Variants in LARP4 observed in about 807,000 individuals in gnomAD.
LARP4 encodes La ribonucleoprotein 4, also known as la-related protein 4.
In LARP4, 29 loss-of-function variants were observed where a neutral mutation model predicts 92.9. The ratio of observed to expected loss-of-function variants is 0.31; its 90% CI spans 0.23 to 0.43. The LOEUF is 0.43. Ranked by LOEUF, LARP4 falls within the 20% of genes least tolerant of loss-of-function variation. The pLI is 1.00. For missense variants in LARP4, 732 were observed against 860.0 expected (o/e 0.85, Z 1.86); for synonymous variants, 279 against 284.1 (o/e 0.98, Z 0.18).
intron 1 of LARP4, among the ~76,000 whole-genome samples, chr12:50,401,954 T>C (rs979637204): frequency 6.6e-6 from 1 of 152,198 alleles, no homozygotes; most frequent in African/African-American, 2.4e-5. Flanking sequence ...ATGCTTTGAG[T>C]AGATTCCAGA....
Position 50,474,118 on chromosome 12 carries a change from C to T in LARP4, c.1787C>T (p.Ala596Val). 6.2e-7 allele frequency: 1 copy of T among 1,613,438 alleles called. No individual in the cohort carries two copies. Among genetic ancestry groups the T allele is most frequent in the African/African-American group, 1.3e-5 (1 of 74,972 alleles). Residue 596 changes from alanine to valine, a missense_variant, in exon 15 of 16, where the codon GCT (alanine) becomes GTT (valine). Ala to Val is a moderately conservative substitution (Grantham distance 64). Transcript: ENST00000398473. The part of the protein sequence containing the change: ...STTKPSRAST[A>V]SPCNNNINAA... The stretch of plus-strand genomic sequence containing the variant: ...ACAAAGCCATCGAGGGCAAGTACTG[C>T]TTCACCATGTAATAATAACATAAAT...
chr12:50,440,237 GACCAGACTCAAATATATCT>G (rs1235241015), intron 6 of LARP4, among the ~76,000 whole-genome samples, 183 bp from the exon 7 acceptor site: 5 of 152,158 alleles, frequency 3.3e-5, no homozygotes, highest in African/African-American at 1.2e-4. Flanking sequence ...GGGAGTTTGA[GACCAGACTCAAATATATCT>G]CCTATTAACT....
rs537006097 is a variant in LARP4, at chr12:50,458,424, C to A, written c.1122-2711C>A. 1.1e-4 allele frequency among the ~76,000 whole-genome samples: 17 copies of A among 152,112 alleles called. No individual in the cohort carries two copies. In the East Asian group the frequency reaches 2.9e-3, roughly 26 times the overall value. On this transcript the variant is annotated intron_variant, in intron 10 of 15. Coordinates refer to ENST00000398473, the MANE Select transcript of LARP4 (RefSeq NM_052879.5). ...GGATTACAGGTGTGAGCCACCACAC[C>A]CAGCTACTTTAAGTTTTAATAATGG...
At chr12:50,411,804 C>T in intron 1 of LARP4, among the ~76,000 whole-genome samples, 1 of 152,070 alleles carries the variant, frequency 6.6e-6, no homozygotes, top group Non-Finnish European at 1.5e-5. Context: ...CCTCAGCGTC[C>T]CGAGTAGCTG....
chr12:50,426,684 G>GGTGTGTGTGTGT lies in LARP4; in HGVS notation c.19-1042_19-1031dup, dbSNP rs762987529. 8.6e-3 allele frequency among the ~76,000 whole-genome samples: 743 copies of GGTGTGTGTGTGT among 86,142 alleles called. 13 individuals are homozygous for GGTGTGTGTGTGT. Among genetic ancestry groups the GGTGTGTGTGTGT allele is most frequent in the South Asian group, 0.016 (28 of 1,740 alleles). The allele number at this position is 86,142 out of a possible 152,430, so 56.5% of individuals were successfully genotyped here. A position where few individuals can be genotyped will look rare whatever the true frequency, so the allele number is the denominator to read the frequency against. ...GCATGGAACAGGGCATTATGTTTGG[G>GGTGTGTGTGTGT]GTGTGTGTGTGTGTGTGTGTGTGTG... On this transcript the variant is annotated intron_variant, in intron 1 of 15. Coordinates refer to ENST00000398473, the MANE Select transcript of LARP4 (RefSeq NM_052879.5).
rs188091185 is a variant in LARP4, at chr12:50,463,158, G to A, written c.1383+528G>A. On this transcript the variant is annotated intron_variant, in intron 12 of 15. Coordinates refer to ENST00000398473, the MANE Select transcript of LARP4 (RefSeq NM_052879.5). Reference sequence around the variant, plus strand: ...TCCTCCTCTCGAGTCGGGGTCTTGCGGGCCAGGCACCGTGGCTCGTGCCTG... The same window carrying A: ...TCCTCCTCTCGAGTCGGGGTCTTGCAGGCCAGGCACCGTGGCTCGTGCCTG... Among the ~76,000 whole-genome samples the A allele has an allele frequency of 5.3e-5, 8 of 151,644 alleles. No homozygotes were observed. In the East Asian group the frequency reaches 9.8e-4, roughly 19 times the overall value.
In LARP4 at chr12:50,475,764, T is replaced by C; in HGVS notation, c.2075T>C (p.Ile692Thr). The change falls in exon 16 of 16, where the codon ATC (isoleucine) becomes ACC (threonine). Residue 692 changes from isoleucine to threonine, a missense_variant. Transcript: ENST00000398473. ...NIIPRGAAGK[I>T]REQRRQFSHR... ...ATCCCCAGGGGAGCAGCAGGAAAAA[T>C]CAGGGAACAGAGACGCCAGTTTAGC... The C allele has an allele frequency of 6.2e-7, 1 of 1,613,928 alleles. No individual in the cohort carries two copies. Among genetic ancestry groups the C allele is most frequent in the East Asian group, 2.2e-5 (1 of 44,882 alleles).
intron 4 of LARP4, among the ~76,000 whole-genome samples, chr12:50,434,840 C>G (rs949320664): frequency 1.1e-4 from 16 of 151,854 alleles, no homozygotes; most frequent in African/African-American, 3.9e-4. Flanking sequence ...GTCAGGAGAT[C>G]GAGACCATCC....
chr12:50,463,708 C>G (rs1238722706), intron 12 of LARP4, among the ~76,000 whole-genome samples: 1 of 152,138 alleles, frequency 6.6e-6, no homozygotes, highest in Non-Finnish European at 1.5e-5. Flanking sequence ...AGGGATCAAC[C>G]CTGGAGGCTG....
intron 3 of LARP4, 45 bp downstream of exon 3, chr12:50,429,135 A>G: frequency 1.4e-6 from 2 of 1,401,674 alleles, no homozygotes; most frequent in African/African-American, 1.4e-5. Context: ...TCAGTACAGG[A>G]CACCCCCCAC....
intron 8 of LARP4, among the ~76,000 whole-genome samples, chr12:50,443,801 C>T (rs1163719611): frequency 5.9e-5 from 9 of 151,774 alleles, no homozygotes; most frequent in African/African-American, 1.5e-4. Flanking sequence ...TTAGTAGAGA[C>T]GGGGTTTTGC....
chr12:50,430,069 T>C (rs1029448194), intron 3 of LARP4, among the ~76,000 whole-genome samples: 2 of 152,114 alleles, frequency 1.3e-5, no homozygotes, highest in Non-Finnish European at 2.9e-5. Context: ...GTCCAAATTA[T>C]AAAAATAATA....
At chr12:50,449,589 G>A (rs1405888676) in intron 8 of LARP4, among the ~76,000 whole-genome samples, 1 of 152,108 alleles carries the variant, frequency 6.6e-6, no homozygotes, top group Non-Finnish European at 1.5e-5. Context: ...TTTGATTTTT[G>A]GGGCAATAGA....
intron 13 of LARP4, 43 bp from the exon 14 acceptor site, chr12:50,473,371 GA>G (rs1374673705): frequency 1.3e-5 from 19 of 1,493,750 alleles, no homozygotes; most frequent in Middle Eastern, 1.9e-4. Flanking sequence ...ATCTTCTTTG[GA>G]AAAAGGTCTA....
intron 2 of LARP4, 127 bp from the exon 3 acceptor site, chr12:50,428,808 C>A: frequency 1.5e-6 from 1 of 656,996 alleles, no homozygotes; most frequent in Non-Finnish European, 2.5e-6. Context: ...TTGCTTAAAA[C>A]CATGCGGACA....
chr12:50,467,037 C>T lies in LARP4; in HGVS notation c.1462C>T (p.Pro488Ser), dbSNP rs1956239042. Residue 488 changes from proline (P) to serine (S), a missense_variant, in exon 13 of 16, where the codon CCT becomes TCT. By Grantham distance (74) the Pro-to-Ser change is moderately conservative. This residue lies in a region of LARP4 where 264 missense variants were observed against 269.5 expected (regional missense o/e 0.98). Transcript: ENST00000398473. The part of the protein sequence containing the change: ...DLLASNFPPL[P>S]GSSSRMPGEL... ...ATTAGCCTCAAATTTTCCACCTTTACCTGGAAGTTCATCAAGAATGCCAGG... is the reference window on the plus strand; with the variant it reads ...ATTAGCCTCAAATTTTCCACCTTTATCTGGAAGTTCATCAAGAATGCCAGG... The T allele has an allele frequency of 1.2e-6, 2 of 1,613,576 alleles. No homozygotes were observed. Among genetic ancestry groups the T allele is most frequent in the Non-Finnish European group, 1.7e-6 (2 of 1,179,728 alleles).
chr12:50,469,581 G>A (rs1956645737), intron 13 of LARP4, among the ~76,000 whole-genome samples: 1 of 139,080 alleles, frequency 7.2e-6, no homozygotes, highest in Non-Finnish European at 1.5e-5. Flanking sequence ...TCCAGCCTGG[G>A]CGACAGAGCG....
In LARP4 at chr12:50,475,920, G is replaced by T; in HGVS notation, c.*56G>T. ...CTCTTCCCATTAAACTTGAACTGTG[G>T]CTATATTGAACTGTTTTGGAGGGGA... On this transcript the variant is annotated 3_prime_UTR_variant, in exon 16 of 16. Coordinates refer to ENST00000398473, the MANE Select transcript of LARP4 (RefSeq NM_052879.5). 6.7e-7 allele frequency: 1 copy of T among 1,482,082 alleles called. No homozygotes were observed. The highest frequency in any genetic ancestry group is 1.2e-5 in the South Asian group (1 of 82,912). The allele number at this position is 1,482,082 out of a possible 1,614,324, so 91.8% of individuals were successfully genotyped here.
chr12:50,433,009 A>T (rs941661731), intron 4 of LARP4, among the ~76,000 whole-genome samples: 1 of 152,054 alleles, frequency 6.6e-6, no homozygotes, highest in African/African-American at 2.4e-5. Context: ...CTTCCTCCTT[A>T]AAACTCAGGA....
Sources: gnomAD v4.1 joint callset for allele counts (sites outside exome capture counted in the v4.1 genomes callset) on GRCh38, gnomAD v4.1.1 for gene constraint, gnomAD v4.1.1 regional missense constraint, MANE v1.5 for transcripts, NCBI Gene and HGNC (gene_info 2026-07-23, HGNC 2026-07-21) for gene names.